Variants in DTHD1 observed in about 807,000 individuals in gnomAD.
The protein encoded by DTHD1 is death domain containing 1.
DTHD1 carries 59 observed loss-of-function variants against 74.8 expected under a neutral mutation model. The observed-to-expected ratio is 0.79, with a 90% CI of 0.64 to 0.98. The LOEUF (loss-of-function observed/expected upper bound fraction) is 0.98. Among genes scored for constraint, DTHD1 ranks in the 50% least tolerant of loss-of-function variants. The pLI, the probability that DTHD1 is intolerant of heterozygous loss-of-function variation, is 0.00. For synonymous variants in DTHD1, 365 were observed against 371.1 expected, an observed-to-expected ratio of 0.98 and a Z score of 0.19; for missense variants, 1,051 against 1,065.4, an observed-to-expected ratio of 0.99 and a Z score of 0.19.
intron 8 of DTHD1, among the ~76,000 whole-genome samples, chr4:36,323,829 A>G (rs6855609): frequency 0.38 from 57,930 of 151,716 alleles, 11,501 homozygotes; most frequent in African/African-American, 0.47. Context: ...AAGTAGAAAT[A>G]TTATGTTAAT....
intron 2 of DTHD1, among the ~76,000 whole-genome samples, chr4:36,288,933 C>T (rs1156791306): frequency 2.0e-5 from 3 of 152,152 alleles, no homozygotes; most frequent in African/African-American, 7.2e-5. Context: ...ATTTTTATCA[C>T]CATCACCAAA....
intron 5 of DTHD1, among the ~76,000 whole-genome samples, chr4:36,299,989 C>T (rs1056524691): frequency 1.3e-5 from 2 of 151,984 alleles, no homozygotes; most frequent in African/African-American, 4.8e-5. Flanking sequence ...TTCTACTTGG[C>T]CCTTATTTAA....
intron 1 of DTHD1, among the ~76,000 whole-genome samples, chr4:36,283,269 T>C (rs1755503098): frequency 6.6e-6 from 1 of 152,300 alleles, no homozygotes; most frequent in East Asian, 1.9e-4. Flanking sequence ...ATATAAGATT[T>C]GATCATGCTA....
At chr4:36,305,609 T>C (rs1320448228) in intron 5 of DTHD1, among the ~76,000 whole-genome samples, 3 of 152,202 alleles carry the variant, frequency 2.0e-5, no homozygotes, top group Non-Finnish European at 4.4e-5. Flanking sequence ...GTACCATTAT[T>C]ATTTTCATAT....
chr4:36,312,853 C>T (rs575157747), intron 7 of DTHD1, among the ~76,000 whole-genome samples: 1 of 152,170 alleles, frequency 6.6e-6, no homozygotes, highest in African/African-American at 2.4e-5. Flanking sequence ...GAAGGGTTTT[C>T]AACAGAGAAG....
At chr4:36,338,808 T>C (rs76181916) in intron 8 of DTHD1, among the ~76,000 whole-genome samples, 1,763 of 152,258 alleles carry the variant, frequency 0.012, 25 homozygotes, top group African/African-American at 0.04. Context: ...TCTACGCTAG[T>C]TGGTTTAACA....
At chr4:36,309,983 A>C (rs754260415) in intron 7 of DTHD1, among the ~76,000 whole-genome samples, 5 of 152,190 alleles carry the variant, frequency 3.3e-5, no homozygotes, top group Admixed American at 6.5e-5. Flanking sequence ...TAATTTGCTT[A>C]GGATAATGAC....
intron 5 of DTHD1, among the ~76,000 whole-genome samples, chr4:36,296,031 T>C (rs1756375746): frequency 1.3e-5 from 2 of 152,118 alleles, no homozygotes; most frequent in South Asian, 4.1e-4. Context: ...TACTTAGACA[T>C]AACATGGCAA....
Position 36,344,814 on chromosome 4 carries a change from T to G in DTHD1, c.*990T>G, listed in dbSNP as rs991990306. ...AGTTGGGAGACTTAGAATTTTATTT[T>G]TGGTTGACTCAGGCAACCAATTCAA... is the stretch of plus-strand genomic sequence containing the variant. On this transcript the variant is annotated 3_prime_UTR_variant, in exon 10 of 10. Transcript: ENST00000639862. The G allele has an allele frequency of 3.9e-5, 6 of 152,170 alleles. No individual in the cohort carries two copies. Among genetic ancestry groups the G allele is most frequent in the African/African-American group, 9.7e-5 (4 of 41,430 alleles). The allele number at this position is 152,170 out of a possible 1,614,324, so 9.4% of individuals were successfully genotyped here. A position where few individuals can be genotyped will look rare whatever the true frequency, so the allele number is the denominator to read the frequency against.
intron 8 of DTHD1, among the ~76,000 whole-genome samples, chr4:36,328,163 T>A (rs1253759778): frequency 1.3e-5 from 2 of 152,244 alleles, no homozygotes; most frequent in Non-Finnish European, 2.9e-5. Flanking sequence ...GGTAGTAGCC[T>A]GATTTTGTTT....
At chr4:36,343,431 T>G in intron 9 of DTHD1, 71 bp from the exon 10 acceptor site, 5 of 1,378,700 alleles carry the variant, frequency 3.6e-6, no homozygotes, top group South Asian at 1.4e-5. Flanking sequence ...TATAAACAGG[T>G]GTGGAGGGTT....
intron 8 of DTHD1, 131 bp from the exon 9 acceptor site, chr4:36,338,981 T>C: frequency 1.5e-6 from 1 of 682,366 alleles, no homozygotes; most frequent in Non-Finnish European, 2.5e-6. Context: ...ACAAATACAG[T>C]ATTTAATTTT....
At chr4:36,312,474 G>A (rs1002203811) in intron 7 of DTHD1, among the ~76,000 whole-genome samples, 4 of 151,970 alleles carry the variant, frequency 2.6e-5, no homozygotes. Context: ...CTTAATTTGG[G>A]CTGAAAAGTG....
chr4:36,309,659 C>CTT (rs559702367), intron 7 of DTHD1, among the ~76,000 whole-genome samples: 1 of 151,688 alleles, frequency 6.6e-6, no homozygotes, highest in African/African-American at 2.4e-5. Context: ...ATATCCAAAA[C>CTT]TTTTTTTTTC....
chr4:36,288,538 T>C (rs1304068816), intron 2 of DTHD1, among the ~76,000 whole-genome samples: 1 of 152,226 alleles, frequency 6.6e-6, no homozygotes, highest in Non-Finnish European at 1.5e-5. Context: ...TTGCCAATTA[T>C]CCCAGCACCA....
At chr4:36,315,356 C>G (rs1757651180) in intron 7 of DTHD1, among the ~76,000 whole-genome samples, 1 of 152,142 alleles carries the variant, frequency 6.6e-6, no homozygotes, top group Non-Finnish European at 1.5e-5. Flanking sequence ...AATTCAATAA[C>G]TATTACACCT....
chr4:36,298,357 C>T lies in DTHD1; in HGVS notation c.1643+3318C>T, dbSNP rs150571692. Among the ~76,000 whole-genome samples the T allele has an allele frequency of 2.0e-5, 3 of 152,200 alleles. No individual in the cohort carries two copies. The East Asian group carries it at 5.8e-4, about 29-fold the overall frequency. ...AATTAAATAAATTAATGAGCAAACT[C>T]GTGGAAATGTAAATTGTATTGCAAA... On this transcript the variant is annotated intron_variant, in intron 5 of 9. Transcript: ENST00000639862.
chr4:36,313,980 C>T (rs1208010463), intron 7 of DTHD1, among the ~76,000 whole-genome samples: 1 of 150,798 alleles, frequency 6.6e-6, no homozygotes, highest in East Asian at 2.0e-4. Flanking sequence ...ATTTAAATGA[C>T]CCCAAATAGT....
chr4:36,290,291 T>C, intron 2 of DTHD1, 82 bp from the exon 3 acceptor site: 28 of 1,343,998 alleles, frequency 2.1e-5, no homozygotes, highest in Non-Finnish European at 2.8e-5. Flanking sequence ...AATGTAGATC[T>C]AGAGTCTGTG....
Sources: gnomAD v4.1 joint callset for allele counts (sites outside exome capture counted in the v4.1 genomes callset) on GRCh38, gnomAD v4.1.1 for gene constraint, MANE v1.5 for transcripts, NCBI Gene and HGNC (gene_info 2026-07-23, HGNC 2026-07-21) for gene names.